Variants in PHF21A observed in about 807,000 individuals in gnomAD.
PHF21A encodes PHD finger protein 21A, also known as BHC80a.
In PHF21A, 11 loss-of-function variants were observed where a neutral mutation model predicts 82.5. The observed-to-expected ratio is 0.13, with a 90% CI of 0.08 to 0.22. PHF21A has a LOEUF of 0.22. PHF21A is among the 10% of genes least tolerant of loss of function. The pLI is 1.00. For synonymous variants in PHF21A, 297 were observed against 302.8 expected (o/e 0.98, Z 0.20); for missense variants, 579 against 837.8 (o/e 0.69, Z 3.81).
chr11:46,026,928 CTG>C (rs1196399354), intron 6 of PHF21A: 32 of 152,166 alleles, frequency 2.1e-4, no homozygotes, highest in African/African-American at 7.2e-4. Context: ...ACTGGAGAGA[CTG>C]TTGAGTGTTT....
chr11:46,040,837 C>A (rs1028934937), intron 6 of PHF21A, among the ~76,000 whole-genome samples: 3 of 151,468 alleles, frequency 2.0e-5, no homozygotes, highest in African/African-American at 7.3e-5. Context: ...CTCCCCCTTT[C>A]CTCTTTGGTT....
At chr11:46,111,775 T>G (rs1204639194) in intron 1 of PHF21A, among the ~76,000 whole-genome samples, 1 of 152,136 alleles carries the variant, frequency 6.6e-6, no homozygotes, top group African/African-American at 2.4e-5. Flanking sequence ...AAGAAGTCAG[T>G]GTCCTAAAAG....
chr11:45,986,294 C>A (rs1032770526), intron 6 of PHF21A, among the ~76,000 whole-genome samples: 1 of 152,038 alleles, frequency 6.6e-6, no homozygotes, highest in African/African-American at 2.4e-5. Flanking sequence ...AACTCAACCC[C>A]ATCTTCCCCC....
At chr11:45,990,676 G>T (rs1189010187) in intron 6 of PHF21A, among the ~76,000 whole-genome samples, 1 of 150,772 alleles carries the variant, frequency 6.6e-6, no homozygotes, top group East Asian at 1.9e-4. Flanking sequence ...GTCAAAAGAG[G>T]ACACTACAAT....
intron 6 of PHF21A, among the ~76,000 whole-genome samples, chr11:46,073,346 T>TG (rs1354891535): frequency 1.3e-5 from 2 of 151,334 alleles, no homozygotes; most frequent in Admixed American, 6.6e-5. Context: ...AAAAAAAAGT[T>TG]GGATTCTCTG....
At chr11:46,003,073 A>T (rs1002564216) in intron 6 of PHF21A, among the ~76,000 whole-genome samples, 1 of 152,166 alleles carries the variant, frequency 6.6e-6, no homozygotes, top group East Asian at 1.9e-4. Flanking sequence ...TTCTCCCCCA[A>T]ATAGCACAAA....
At chr11:45,962,456 C>T (rs1440753613) in intron 10 of PHF21A, among the ~76,000 whole-genome samples, 1 of 151,934 alleles carries the variant, frequency 6.6e-6, no homozygotes, top group Admixed American at 6.6e-5. Flanking sequence ...TTGAAAGATA[C>T]GAAGTAAGAG....
At chr11:46,018,175 G>A (rs1378219740) in intron 6 of PHF21A, among the ~76,000 whole-genome samples, 6 of 151,378 alleles carry the variant, frequency 4.0e-5, no homozygotes, top group African/African-American at 9.7e-5. Flanking sequence ...GCGTGAACCC[G>A]GGAGGCGGAG....
intron 1 of PHF21A, among the ~76,000 whole-genome samples, chr11:46,115,256 A>G (rs377350218): frequency 6.6e-6 from 1 of 152,242 alleles, no homozygotes. Context: ...TGAACCTCAC[A>G]TATAATTTCT....
rs764120309 is a variant in PHF21A, at chr11:45,969,914, G to C, written c.613-10C>G. 8.2e-6 allele frequency: 13 copies of C among 1,586,184 alleles called. No individual in the cohort carries two copies. The highest frequency in any genetic ancestry group is 1.1e-5 in the Non-Finnish European group (13 of 1,155,994). The stretch of plus-strand genomic sequence containing the variant: ...GTGTTGCCTGAACCTGCTAAAAAAT[G>C]AGGAAGATAAATAAACCAGAGAGAA... On this transcript the variant is annotated splice_polypyrimidine_tract_variant and intron_variant, in intron 8 of 18. Transcript: ENST00000676320.
chr11:46,119,887 G>C (rs1040981098), intron 1 of PHF21A: 1 of 147,680 alleles, frequency 6.8e-6, no homozygotes, highest in Non-Finnish European at 1.5e-5. Flanking sequence ...CCCTCCCCCC[G>C]GCGGGGGCGC....
chr11:46,015,533 C>A (rs920918838), intron 6 of PHF21A, among the ~76,000 whole-genome samples: 2 of 151,790 alleles, frequency 1.3e-5, no homozygotes, highest in African/African-American at 4.8e-5. Context: ...AATTTTTTTG[C>A]TTTATAAAGT....
At position 45,938,163 on chromosome 11, in the gene PHF21A, C is replaced by T; in HGVS notation, c.1602G>A (p.Gln534=). 6.3e-7 allele frequency: 1 copy of T among 1,593,382 alleles called. No homozygotes were observed. The highest frequency in any genetic ancestry group is 8.6e-7 in the Non-Finnish European group (1 of 1,168,634). Residue 534 remains glutamine, a synonymous_variant, in exon 16 of 19, where the codon CAG becomes CAA. Transcript: ENST00000676320. Reference sequence around the variant, plus strand: ...TTGGACCCACCCACAGTACCTGGTCCTGACATCTGGGACAGATCCACATGC... The same window carrying T: ...TTGGACCCACCCACAGTACCTGGTCTTGACATCTGGGACAGATCCACATGC... ...PKGMWICPRC[Q]DQMLKKEEAI... is the part of the protein sequence containing the mutation.
chr11:45,955,809 A>G (rs2135636619), intron 10 of PHF21A, among the ~76,000 whole-genome samples: 1 of 152,294 alleles, frequency 6.6e-6, no homozygotes, highest in African/African-American at 2.4e-5. Flanking sequence ...CACTATGGAG[A>G]GGCCCAGGTG....
chr11:46,001,508 C>A (rs181928955), intron 6 of PHF21A, among the ~76,000 whole-genome samples: 160 of 152,122 alleles, frequency 1.1e-3, no homozygotes, highest in Non-Finnish European at 2.1e-3. Flanking sequence ...GTCACATGCA[C>A]CACAGCATCA....
At chr11:45,950,594 G>A (rs1034513230) in intron 11 of PHF21A, among the ~76,000 whole-genome samples, 6 of 152,068 alleles carry the variant, frequency 3.9e-5, no homozygotes, top group Admixed American at 6.6e-5. Context: ...GTGTGGGGCC[G>A]CATTCAAAGC....
intron 6 of PHF21A, among the ~76,000 whole-genome samples, chr11:45,992,140 C>T (rs1591691135): frequency 6.6e-6 from 1 of 152,062 alleles, no homozygotes; most frequent in Non-Finnish European, 1.5e-5. Context: ...AGTATCTTTG[C>T]TGATAGATAA....
chr11:46,042,902 A>G (rs1383729290), intron 6 of PHF21A, among the ~76,000 whole-genome samples: 2 of 152,070 alleles, frequency 1.3e-5, no homozygotes, highest in Non-Finnish European at 2.9e-5. Flanking sequence ...AGTTGTAAGC[A>G]ATGAATTTCT....
chr11:46,040,027 T>C (rs1388987785), intron 6 of PHF21A, among the ~76,000 whole-genome samples: 3 of 152,214 alleles, frequency 2.0e-5, no homozygotes, highest in Non-Finnish European at 4.4e-5. Context: ...CTAAAGCACA[T>C]GTAACTGAAA....
Sources: gnomAD v4.1 joint callset for allele counts (sites outside exome capture counted in the v4.1 genomes callset) on GRCh38, gnomAD v4.1.1 for gene constraint, MANE v1.5 for transcripts, NCBI Gene and HGNC (gene_info 2026-07-23, HGNC 2026-07-21) for gene names.